Variants in TMC7 observed in about 807,000 individuals in gnomAD.
TMC7 encodes the protein transmembrane channel like 7, also known as transmembrane channel-like protein 7.
A neutral mutation model predicts 82.9 loss-of-function variants in TMC7; 54 were observed. The ratio of observed to expected loss-of-function variants is 0.65; its 90% CI spans 0.52 to 0.82. TMC7 has a LOEUF of 0.82. TMC7 is among the 40% of genes least tolerant of loss of function. The pLI, the probability that TMC7 is intolerant of heterozygous loss-of-function variation, is 0.00. For synonymous variants in TMC7, 350 were observed against 337.9 expected (o/e 1.04, Z -0.39); for missense variants, 820 against 901.2 (o/e 0.91, Z 1.15).
chr16:19,041,046 A>G (rs922621682), intron 9 of TMC7, among the ~76,000 whole-genome samples: 2 of 151,696 alleles, frequency 1.3e-5, no homozygotes, highest in African/African-American at 4.8e-5. Flanking sequence ...ATGCACCACC[A>G]TGCCCAGCTA....
intron 7 of TMC7, 39 bp from the exon 8 acceptor site, chr16:19,037,835 C>A: frequency 6.3e-7 from 1 of 1,587,524 alleles, no homozygotes; most frequent in African/African-American, 1.3e-5. Flanking sequence ...AGTATCCCTT[C>A]ATCCCACTGC....
chr16:19,049,755 A>G (rs1961441306), intron 12 of TMC7: 5 of 645,106 alleles, frequency 7.8e-6, no homozygotes, highest in Non-Finnish European at 9.6e-6. Context: ...CTGGGCACCA[A>G]GTATCTTCGG....
chr16:19,042,331 T>A (rs537443201), intron 9 of TMC7, among the ~76,000 whole-genome samples: 1 of 151,752 alleles, frequency 6.6e-6, no homozygotes, highest in East Asian at 2.0e-4. Context: ...CACACCACCA[T>A]GCCAAGCCAA....
intron 1 of TMC7, among the ~76,000 whole-genome samples, chr16:19,004,049 A>G (rs1256504315): frequency 1.3e-5 from 2 of 151,830 alleles, no homozygotes; most frequent in African/African-American, 2.4e-5. Context: ...ATTTAAAAAA[A>G]AAAAAAAAAA....
chr16:19,015,057 G>A (rs1029462943), intron 2 of TMC7, among the ~76,000 whole-genome samples: 15 of 151,654 alleles, frequency 9.9e-5, no homozygotes, highest in Non-Finnish European at 1.8e-4. Context: ...TCCGCCTTCC[G>A]GGTTCAAGCG....
intron 13 of TMC7, among the ~76,000 whole-genome samples, chr16:19,055,129 A>G (rs1961712201): frequency 1.3e-5 from 2 of 152,152 alleles, no homozygotes; most frequent in African/African-American, 4.8e-5. Flanking sequence ...TGGGGGGCCA[A>G]CTGGATTTGT....
intron 1 of TMC7, among the ~76,000 whole-genome samples, chr16:19,005,662 G>A (rs972187455): frequency 3.9e-5 from 6 of 152,222 alleles, no homozygotes; most frequent in Non-Finnish European, 1.5e-5. Flanking sequence ...TGAATATTCA[G>A]TAGGTCCATG....
intron 10 of TMC7, 138 bp downstream of exon 10, chr16:19,045,139 G>T: frequency 1.1e-6 from 1 of 878,016 alleles, no homozygotes; most frequent in Non-Finnish European, 1.9e-6. Flanking sequence ...GACAGAGTCT[G>T]GCCCCATGGA....
chr16:19,012,197 A>T (rs563069730), intron 2 of TMC7: 3 of 152,218 alleles, frequency 2.0e-5, no homozygotes, highest in African/African-American at 7.2e-5. Context: ...TTGGAGCGAT[A>T]CAGAGAAAAT....
intron 1 of TMC7, among the ~76,000 whole-genome samples, chr16:18,987,396 T>C (rs1396534635): frequency 6.6e-6 from 1 of 151,946 alleles, no homozygotes; most frequent in Non-Finnish European, 1.5e-5. Flanking sequence ...CCACAACCTC[T>C]GCCTCCCAGG....
intron 12 of TMC7, among the ~76,000 whole-genome samples, chr16:19,048,417 T>C (rs1271449720): frequency 6.6e-6 from 1 of 152,112 alleles, no homozygotes; most frequent in African/African-American, 2.4e-5. Flanking sequence ...CTTTTTTCTT[T>C]CTTTATTTTA....
intron 9 of TMC7, among the ~76,000 whole-genome samples, chr16:19,041,184 C>T (rs1183232506): frequency 6.6e-6 from 1 of 152,060 alleles, no homozygotes; most frequent in East Asian, 1.9e-4. Context: ...GCAAGAGCCA[C>T]CATGCCCGGT....
chr16:19,002,396 C>T (rs951650692), intron 1 of TMC7, among the ~76,000 whole-genome samples: 5 of 152,040 alleles, frequency 3.3e-5, no homozygotes, highest in African/African-American at 4.8e-5. Flanking sequence ...TCACCACGCC[C>T]GGCTAATTTT....
rs747987839 is a variant in TMC7, at chr16:19,061,792, G to A, written c.2121G>A (p.Lys707=). 1.9e-6 allele frequency: 3 copies of A among 1,613,830 alleles called. No individual in the cohort carries two copies. In the South Asian group the frequency reaches 3.3e-5, roughly 18 times the overall value. Residue 707 remains lysine (K), a synonymous_variant, in exon 16 of 16, where the codon AAG becomes AAA. Coordinates refer to ENST00000304381, the MANE Select transcript of TMC7 (RefSeq NM_024847.4). ...TTATTTTTTAGGAAAGTCGTGACAAGTGCTACCTAATCCAGAAACTAACAG... is the reference window on the plus strand; with the variant it reads ...TTATTTTTTAGGAAAGTCGTGACAAATGCTACCTAATCCAGAAACTAACAG... ...REQLSLESRD[K]CYLIQKLTEA...
chr16:19,035,680 G>A lies in TMC7; in HGVS notation c.862G>A (p.Val288Met). 1 of 1,614,170 alleles carries A rather than the reference G, an allele frequency of 6.2e-7. No individual in the cohort carries two copies. The change falls in exon 7 of 16, where the codon GTG becomes ATG. Residue 288 changes from valine to methionine, a missense_variant. By Grantham distance (21) the Val-to-Met change is conservative. This residue lies in a region of TMC7 where 650 missense variants were observed against 669.9 expected (regional missense o/e 0.97). Transcript: ENST00000304381. Reference sequence around the variant, plus strand: ...ATGATTGTGTTTTGGGGTCAGGTCGGTGGAAGGATTCAAAATCAACCTGAT... The same window carrying A: ...ATGATTGTGTTTTGGGGTCAGGTCGATGGAAGGATTCAAAATCAACCTGAT... ...LSLLWIVKRS[V>M]EGFKINLIRS...
intron 1 of TMC7, among the ~76,000 whole-genome samples, chr16:18,992,973 C>G (rs1325353965): frequency 6.6e-6 from 1 of 152,102 alleles, no homozygotes; most frequent in African/African-American, 2.4e-5. Context: ...TTTTTGGTAC[C>G]AGTACCATGC....
chr16:19,019,941 C>T (rs560691728), intron 3 of TMC7, among the ~76,000 whole-genome samples: 4 of 152,224 alleles, frequency 2.6e-5, no homozygotes, highest in African/African-American at 9.6e-5. Flanking sequence ...CTTCGGTCTC[C>T]AGTAATAAGT....
At chr16:19,000,382 G>T (rs954232564) in intron 1 of TMC7, among the ~76,000 whole-genome samples, 2 of 152,042 alleles carry the variant, frequency 1.3e-5, no homozygotes, top group African/African-American at 4.8e-5. Flanking sequence ...CAGGAGAATC[G>T]CTTGAACCCG....
In TMC7 at chr16:19,038,608, C is replaced by G. The variant is rs974793667; in HGVS notation, c.1179+561C>G. ...CTCAGTTCACTGTAACCTCCACCTC[C>G]CAGGTTCAAGTGATTCTCATGCCTC... On this transcript the variant is annotated intron_variant, in intron 8 of 15. Coordinates refer to ENST00000304381, the MANE Select transcript of TMC7 (RefSeq NM_024847.4). Among the ~76,000 whole-genome samples, 4 of 151,932 alleles carry G rather than the reference C, an allele frequency of 2.6e-5. No homozygotes were observed. In the East Asian group the frequency reaches 7.7e-4, roughly 29 times the overall value.
Sources: allele counts gnomAD v4.1 joint callset (sites outside exome capture counted in the v4.1 genomes callset), GRCh38; gene constraint gnomAD v4.1.1; regional missense constraint gnomAD v4.1.1; transcripts MANE v1.5; gene names NCBI Gene and HGNC (gene_info 2026-07-23, HGNC 2026-07-21).